XPO7: variants seen among roughly 807,000 people sequenced by gnomAD.
The protein encoded by XPO7 is exportin 7.
A neutral mutation model predicts 144.3 loss-of-function variants in XPO7; 21 were observed. The observed-to-expected ratio is 0.15, with a 90% confidence interval of 0.10 to 0.21. The LOEUF (loss-of-function observed/expected upper bound fraction) is 0.21, where lower values mean the gene tolerates loss of function less well. Among genes scored for constraint, XPO7 ranks in the 10% least tolerant of loss-of-function variants. XPO7 has a pLI of 1.00. For missense variants in XPO7, 808 were observed against 1,325.8 expected, an observed-to-expected ratio of 0.61 and a Z score of 6.06; for synonymous variants, 580 against 499.6, an observed-to-expected ratio of 1.16 and a Z score of -2.15.
chr8:21,924,228 A>G (rs1038932943), intron 1 of XPO7, among the ~76,000 whole-genome samples: 1 of 152,164 alleles, frequency 6.6e-6, no homozygotes, highest in Non-Finnish European at 1.5e-5. Context: ...AAATTCTGTA[A>G]TGATATATGC....
At chr8:21,996,336 G>T (rs1436477267) in intron 21 of XPO7, among the ~76,000 whole-genome samples, 2 of 152,188 alleles carry the variant, frequency 1.3e-5, no homozygotes, top group African/African-American at 4.8e-5. Context: ...GATTGCTTTA[G>T]CCTGGGAGGC....
chr8:21,992,971 C>A (rs1812819006), intron 19 of XPO7, among the ~76,000 whole-genome samples: 1 of 152,220 alleles, frequency 6.6e-6, no homozygotes, highest in Non-Finnish European at 1.5e-5. Flanking sequence ...CTTTACCTAG[C>A]ATTCTAAAGC....
intron 13 of XPO7, among the ~76,000 whole-genome samples, chr8:21,986,461 A>T (rs1042100609): frequency 6.6e-6 from 1 of 152,038 alleles, no homozygotes; most frequent in African/African-American, 2.4e-5. Context: ...CCTTCAATAT[A>T]TATATCTTCT....
intron 1 of XPO7, among the ~76,000 whole-genome samples, chr8:21,948,858 G>GA (rs1186217625): frequency 8.5e-5 from 13 of 152,202 alleles, no homozygotes; most frequent in African/African-American, 2.4e-4. Context: ...CTAGATAGAT[G>GA]TGGGATTATT....
At chr8:22,001,689 G>A (rs1813153210) in intron 24 of XPO7, among the ~76,000 whole-genome samples, 1 of 152,182 alleles carries the variant, frequency 6.6e-6, no homozygotes, top group Non-Finnish European at 1.5e-5. Flanking sequence ...TTGATCCTTA[G>A]GCCGATACAT....
At chr8:21,989,796 A>C in intron 16 of XPO7, among the ~76,000 whole-genome samples, 1 of 111,626 alleles carries the variant, frequency 9.0e-6, no homozygotes, top group Non-Finnish European at 1.9e-5. Context: ...TTTTCTTACA[A>C]ATAGGAGTTT....
intron 1 of XPO7, among the ~76,000 whole-genome samples, chr8:21,948,963 G>A (rs1811278332): frequency 6.6e-6 from 1 of 152,168 alleles, no homozygotes; most frequent in Non-Finnish European, 1.5e-5. Flanking sequence ...AGTTACTTGA[G>A]TCATTACCAG....
intron 1 of XPO7, among the ~76,000 whole-genome samples, chr8:21,934,160 T>C (rs757138957): frequency 3.3e-5 from 5 of 152,222 alleles, no homozygotes; most frequent in Non-Finnish European, 7.3e-5. Context: ...CCAATAAATA[T>C]ATATTTATAA....
rs776835349 is a variant in XPO7, at chr8:21,984,814, C to T, written c.1446C>T (p.Ser482=). The change falls in exon 12 of 28, where the codon AGC becomes AGT. Residue 482 remains serine (S), a synonymous_variant. Coordinates refer to ENST00000252512, the MANE Select transcript of XPO7 (RefSeq NM_015024.5). ...YQELLQSASA[S]PMDIAVQEGR... ...AGCTGCTACAGAGCGCCAGCGCAAG[C>T]CCAATGGACATTGCAGTGCAGGAGG... 1.2e-5 allele frequency: 19 copies of T among 1,613,800 alleles called. No homozygotes were observed. Among genetic ancestry groups the T allele is most frequent in the Non-Finnish European group, 1.4e-5 (16 of 1,179,904 alleles).
At chr8:22,004,272 T>A (rs1310114826) in intron 27 of XPO7, among the ~76,000 whole-genome samples, 1 of 152,214 alleles carries the variant, frequency 6.6e-6, no homozygotes, top group East Asian at 1.9e-4. Flanking sequence ...TTGTGGGTTT[T>A]CACATTCTTT....
At chr8:21,970,645 A>G (rs1313835304) in intron 4 of XPO7, among the ~76,000 whole-genome samples, 1 of 152,218 alleles carries the variant, frequency 6.6e-6, no homozygotes, top group Non-Finnish European at 1.5e-5. Flanking sequence ...CCCAGTACAT[A>G]TATTTTGAAT....
chr8:21,922,250 T>C (rs1009498550), intron 1 of XPO7, among the ~76,000 whole-genome samples: 1 of 152,206 alleles, frequency 6.6e-6, no homozygotes, highest in African/African-American at 2.4e-5. Context: ...CAGGCTGATG[T>C]CTTGGATATC....
chr8:21,932,091 C>T (rs959713808), intron 1 of XPO7, among the ~76,000 whole-genome samples: 2 of 152,086 alleles, frequency 1.3e-5, no homozygotes, highest in Non-Finnish European at 2.9e-5. Context: ...CCAGGCTGGT[C>T]TCGAACTCCT....
chr8:21,977,709 G>A, intron 7 of XPO7, 61 bp from the exon 8 acceptor site: 1 of 1,487,960 alleles, frequency 6.7e-7, no homozygotes, highest in South Asian at 1.2e-5. Context: ...AGTGCTGGAA[G>A]TATGCCAGCG....
intron 4 of XPO7, among the ~76,000 whole-genome samples, 156 bp downstream of exon 4, chr8:21,970,466 T>C (rs1226046213): frequency 6.6e-6 from 1 of 152,178 alleles, no homozygotes; most frequent in Non-Finnish European, 1.5e-5. Context: ...CTGCATGTTT[T>C]TTACCCTTAA....
intron 11 of XPO7, among the ~76,000 whole-genome samples, chr8:21,983,101 C>A (rs1047206609): frequency 6.6e-6 from 1 of 152,122 alleles, no homozygotes; most frequent in African/African-American, 2.4e-5. Context: ...CGCTGTTTTT[C>A]TTTCAATGTG....
chr8:21,963,431 C>T (rs915798826), intron 1 of XPO7, among the ~76,000 whole-genome samples: 21 of 152,214 alleles, frequency 1.4e-4, no homozygotes, highest in African/African-American at 4.6e-4. Flanking sequence ...CACGGTGGCT[C>T]ACGCCTGTAA....
intron 3 of XPO7, 115 bp from the exon 4 acceptor site, chr8:21,970,029 A>G (rs1812001015): frequency 1.6e-6 from 2 of 1,222,424 alleles, no homozygotes; most frequent in Non-Finnish European, 2.3e-6. Context: ...AGTTTGGGTT[A>G]AATAGTCTAA....
chr8:21,970,193 C>T lies in XPO7; in HGVS notation c.309C>T (p.Phe103=), dbSNP rs189823406. 7.1e-4 allele frequency: 1,151 copies of T among 1,613,470 alleles called. 26 individuals are homozygous for T. In the East Asian group the frequency reaches 0.016, roughly 23 times the overall value. ...YLATRPKLAT[F]VTQALIQLYA... The stretch of plus-strand genomic sequence containing the variant: ...CCACTCGGCCGAAGTTGGCTACTTT[C>T]GTGACACAAGCACTTATTCAGTTAT... Residue 103 remains phenylalanine, a synonymous_variant, in exon 4 of 28, where the codon TTC becomes TTT. Transcript: ENST00000252512.
Sources: allele counts gnomAD v4.1 joint callset (sites outside exome capture counted in the v4.1 genomes callset), GRCh38; gene constraint gnomAD v4.1.1; transcripts MANE v1.5; gene names NCBI Gene and HGNC (gene_info 2026-07-23, HGNC 2026-07-21).